JARID2: variants seen among roughly 807,000 people sequenced by gnomAD.
JARID2 encodes protein Jumonji.
Under a neutral mutation model 125.6 loss-of-function variants are expected in JARID2, and 21 were observed. The observed-to-expected ratio is 0.17, with a 90% CI of 0.12 to 0.24. JARID2 has a LOEUF of 0.24. Among genes scored for constraint, JARID2 ranks in the 10% least tolerant of loss-of-function variants. The probability of loss-of-function intolerance (pLI) is 1.00; values close to 1 mark genes in which losing one functional copy is unlikely to be tolerated. For synonymous variants in JARID2, 736 were observed against 661.6 expected (o/e 1.11, Z -1.73); for missense variants, 1,303 against 1,639.6 (o/e 0.79, Z 3.55).
At chr6:15,415,131 G>A (rs959796217) in intron 3 of JARID2, among the ~76,000 whole-genome samples, 1 of 152,212 alleles carries the variant, frequency 6.6e-6, no homozygotes, top group South Asian at 2.1e-4. Flanking sequence ...AGGGTTGGGG[G>A]TAAGGTCACC....
chr6:15,446,892 A>ACC (rs1179402830), intron 3 of JARID2, among the ~76,000 whole-genome samples: 9 of 152,070 alleles, frequency 5.9e-5, no homozygotes, highest in Non-Finnish European at 2.9e-5. Context: ...TCACATAGGG[A>ACC]CCCATAGGTT....
At chr6:15,410,558 A>G (rs913237653) in intron 3 of JARID2, among the ~76,000 whole-genome samples, 193 bp downstream of exon 3, 1 of 151,992 alleles carries the variant, frequency 6.6e-6, no homozygotes, top group East Asian at 1.9e-4. Context: ...TAAAAACGGG[A>G]AAAAAAAGTG....
chr6:15,376,851 T>TTTC (rs1411126005), intron 2 of JARID2, among the ~76,000 whole-genome samples: 1 of 152,168 alleles, frequency 6.6e-6, no homozygotes, highest in African/African-American at 2.4e-5. Flanking sequence ...CTGTAGGTGT[T>TTTC]TTCGGAGCAT....
At chr6:15,348,099 G>A (rs1009949369) in intron 1 of JARID2, among the ~76,000 whole-genome samples, 1 of 146,338 alleles carries the variant, frequency 6.8e-6, no homozygotes, top group Non-Finnish European at 1.5e-5. Context: ...GTTTTGTTCT[G>A]TTTTTTTTTT....
chr6:15,320,303 A>G (rs1051098961), intron 1 of JARID2, among the ~76,000 whole-genome samples: 1 of 152,360 alleles, frequency 6.6e-6, no homozygotes, highest in Admixed American at 6.5e-5. Context: ...CGGTAATTCA[A>G]GTTAGGTTAA....
intron 7 of JARID2, among the ~76,000 whole-genome samples, chr6:15,500,376 T>TG (rs1345307390): frequency 6.6e-6 from 1 of 152,094 alleles, no homozygotes; most frequent in Non-Finnish European, 1.5e-5. Flanking sequence ...AGTGGGTGGA[T>TG]GGGTGAAGTT....
At chr6:15,304,133 A>G (rs965615885) in intron 1 of JARID2, among the ~76,000 whole-genome samples, 4 of 152,176 alleles carry the variant, frequency 2.6e-5, no homozygotes, top group Non-Finnish European at 4.4e-5. Context: ...TGCAGGTGAT[A>G]GTGGCTACTC....
intron 7 of JARID2, among the ~76,000 whole-genome samples, chr6:15,500,176 T>A (rs1770664197): frequency 6.6e-6 from 1 of 152,212 alleles, no homozygotes; most frequent in Non-Finnish European, 1.5e-5. Context: ...CCAGGTTTGA[T>A]GTGCATTTGC....
intron 1 of JARID2, among the ~76,000 whole-genome samples, chr6:15,297,634 G>C (rs538139125): frequency 6.6e-6 from 1 of 152,196 alleles, no homozygotes; most frequent in East Asian, 1.9e-4. Flanking sequence ...GAGCCACCGT[G>C]CTTGGCCAGC....
In JARID2 at chr6:15,246,595, C is replaced by A; in HGVS notation, c.45+11C>A. 6.2e-7 allele frequency: 1 copy of A among 1,607,006 alleles called. No homozygotes were observed. Among genetic ancestry groups the A allele is most frequent in the Non-Finnish European group, 8.5e-7 (1 of 1,173,682 alleles). On this transcript the variant is annotated intron_variant, in intron 1 of 17. Coordinates refer to ENST00000341776, the MANE Select transcript of JARID2 (RefSeq NM_004973.4). ...ATTCAGAAGAAATACGTAAGTGCTC[C>A]TAACAACACATCCTTTGACTTGCAG...
intron 1 of JARID2, among the ~76,000 whole-genome samples, chr6:15,366,078 A>G (rs1342352029): frequency 1.3e-5 from 2 of 152,178 alleles, no homozygotes; most frequent in Admixed American, 1.3e-4. Flanking sequence ...TGTGGGAAGA[A>G]TCAACATTCC....
At chr6:15,315,541 A>T (rs1390946035) in intron 1 of JARID2, among the ~76,000 whole-genome samples, 1 of 152,190 alleles carries the variant, frequency 6.6e-6, no homozygotes, top group Non-Finnish European at 1.5e-5. Context: ...CAGAAAACTT[A>T]CATATTTAGA....
At chr6:15,431,052 T>C (rs939748408) in intron 3 of JARID2, among the ~76,000 whole-genome samples, 1 of 152,184 alleles carries the variant, frequency 6.6e-6, no homozygotes, top group African/African-American at 2.4e-5. Flanking sequence ...GCAAATACCA[T>C]TGTGTAATGT....
intron 7 of JARID2, among the ~76,000 whole-genome samples, chr6:15,500,127 C>T (rs1361861582): frequency 1.3e-5 from 2 of 152,210 alleles, no homozygotes; most frequent in African/African-American, 4.8e-5. Context: ...TTTCTCCATT[C>T]CCATCTAGAA....
chr6:15,421,251 T>G (rs546044694), intron 3 of JARID2, among the ~76,000 whole-genome samples: 1 of 152,134 alleles, frequency 6.6e-6, no homozygotes, highest in Admixed American at 6.5e-5. Context: ...GGATTTTTAG[T>G]TCTTTCAGAC....
At chr6:15,318,630 A>G (rs2127436933) in intron 1 of JARID2, among the ~76,000 whole-genome samples, 1 of 152,236 alleles carries the variant, frequency 6.6e-6, no homozygotes, top group Non-Finnish European at 1.5e-5. Context: ...CTTTCCTTAC[A>G]AGGCATCTCA....
chr6:15,393,708 A>T (rs949311310), intron 2 of JARID2, among the ~76,000 whole-genome samples: 4 of 152,212 alleles, frequency 2.6e-5, no homozygotes, highest in Non-Finnish European at 4.4e-5. Flanking sequence ...AATATACACG[A>T]AATTGTTAAC....
In JARID2 at chr6:15,440,109, G is replaced by T. The variant is rs568253745; in HGVS notation, c.324-11897G>T. ...TGAGATGTAGTCAGAAGATATTCTC[G>T]TCCGACCCTTTGAGGGTTCATTTAA... On this transcript the variant is annotated intron_variant, in intron 3 of 17. Transcript: ENST00000341776. Among the ~76,000 whole-genome samples, 9 of 152,276 alleles carry T rather than the reference G, an allele frequency of 5.9e-5. No individual in the cohort carries two copies. In the South Asian group the frequency reaches 1.9e-3, roughly 32 times the overall value.
intron 2 of JARID2, among the ~76,000 whole-genome samples, chr6:15,375,964 A>G (rs1764338416): frequency 6.6e-6 from 1 of 152,226 alleles, no homozygotes; most frequent in South Asian, 2.1e-4. Context: ...TCAGGATTTA[A>G]TAAAGGTAGA....
Sources: gnomAD v4.1 joint callset for allele counts (sites outside exome capture counted in the v4.1 genomes callset) on GRCh38, gnomAD v4.1.1 for gene constraint, MANE v1.5 for transcripts, NCBI Gene and HGNC (gene_info 2026-07-23, HGNC 2026-07-21) for gene names.